Variants in ZNF469 observed in about 807,000 individuals in gnomAD.
ZNF469 encodes zinc finger protein 469.
Under a neutral mutation model 1.0 loss-of-function variants are expected in ZNF469, and 1 was observed. That is an observed-to-expected ratio of 1.00 (90% CI 0.35 to 4.73). The LOEUF is 4.73. Ranked by LOEUF, ZNF469 falls within the 30% of genes most tolerant of loss-of-function variation. The probability of loss-of-function intolerance (pLI) is 0.16; values close to 1 mark genes in which losing one functional copy is unlikely to be tolerated. For synonymous variants in ZNF469, 2,703 were observed against 2,363.4 expected, an observed-to-expected ratio of 1.14 and a Z score of -4.17; for missense variants, 6,100 against 5,356.3, an observed-to-expected ratio of 1.14 and a Z score of -4.33.
At chr16:88,252,642 A>G in the ZNF469 span, among the ~76,000 whole-genome samples, 1 of 152,354 alleles carries the variant, frequency 6.6e-6, no homozygotes, top group African/African-American at 2.4e-5. Context: ...ATACTTAAGT[A>G]TGTTGATATC....
At chr16:88,388,408 G>A (rs1022862617) in intron 1 of ZNF469, among the ~76,000 whole-genome samples, 1 of 152,252 alleles carries the variant, frequency 6.6e-6, no homozygotes, top group African/African-American at 2.4e-5. Context: ...CTACCGGCCG[G>A]GCACGGCAGC....
chr16:88,163,100 G>A, the ZNF469 span, among the ~76,000 whole-genome samples: 2 of 150,920 alleles, frequency 1.3e-5, no homozygotes, highest in South Asian at 4.2e-4. Context: ...TGACTGGGTG[G>A]GTGGGTGGAT....
At chr16:88,212,219 T>C in the ZNF469 span, among the ~76,000 whole-genome samples, 4 of 152,364 alleles carry the variant, frequency 2.6e-5, no homozygotes, top group Admixed American at 2.0e-4. Flanking sequence ...TGCCTCGGAA[T>C]CACTTGTTCC....
chr16:88,422,281 A>G (rs1187615231), intron 1 of ZNF469, among the ~76,000 whole-genome samples: 3 of 121,930 alleles, frequency 2.5e-5, no homozygotes, highest in Non-Finnish European at 3.3e-5. Context: ...ATAGGTGGGT[A>G]ATGGATGGAT....
At chr16:88,187,337 T>C in the ZNF469 span, among the ~76,000 whole-genome samples, 1 of 152,248 alleles carries the variant, frequency 6.6e-6, no homozygotes, top group Non-Finnish European at 1.5e-5. Context: ...TTCAGTTTCA[T>C]GGTCAGCATG....
chr16:88,438,109 C>T lies in ZNF469; in HGVS notation c.10639C>T (p.His3547Tyr). ...PIRGCELPSN[H>Y]QECPPPSLSP... ...CAGAGGTTGTGAGCTGCCATCCAAC[C>T]ACCAGGAGTGTCCCCCGCCGTCTCT... Residue 3547 changes from histidine to tyrosine, a missense_variant, in exon 3 of 3, where the codon CAC becomes TAC. Coordinates refer to ENST00000565624, the MANE Select transcript of ZNF469 (RefSeq NM_001367624.2). The T allele has an allele frequency of 1.3e-6, 2 of 1,550,446 alleles. No individual in the cohort carries two copies. Among genetic ancestry groups the T allele is most frequent in the Non-Finnish European group, 1.7e-6 (2 of 1,146,976 alleles).
the ZNF469 span, among the ~76,000 whole-genome samples, chr16:88,209,990 A>C: frequency 6.6e-6 from 1 of 152,206 alleles, no homozygotes; most frequent in Admixed American, 6.5e-5. Flanking sequence ...CGGTTTTACC[A>C]ATTTGTATTC....
chr16:88,103,781 C>T, the ZNF469 span, among the ~76,000 whole-genome samples: 1 of 148,822 alleles, frequency 6.7e-6, no homozygotes, highest in African/African-American at 2.5e-5. Flanking sequence ...AATAATCCTC[C>T]GTGGCATGGG....
the ZNF469 span, among the ~76,000 whole-genome samples, chr16:88,144,628 C>T: frequency 3.9e-5 from 6 of 152,162 alleles, no homozygotes; most frequent in African/African-American, 1.4e-4. Context: ...ATTCCAAAGC[C>T]TCTTTAAGAC....
the ZNF469 span, among the ~76,000 whole-genome samples, chr16:88,225,554 G>C: frequency 6.6e-6 from 1 of 152,064 alleles, no homozygotes; most frequent in Non-Finnish European, 1.5e-5. Context: ...GGGGGTGAAG[G>C]AGGAGCCGCC....
chr16:88,289,370 T>C, the ZNF469 span, among the ~76,000 whole-genome samples: 16 of 151,784 alleles, frequency 1.1e-4, no homozygotes, highest in East Asian at 5.8e-4. Flanking sequence ...GTGATGATGG[T>C]GATGATGGTG....
chr16:88,318,219 G>A, the ZNF469 span, among the ~76,000 whole-genome samples: 7,153 of 152,298 alleles, frequency 0.047, 279 homozygotes, highest in East Asian at 0.16. Flanking sequence ...TCTCCAGGGC[G>A]CGTTCCATGG....
At chr16:88,334,260 C>T in the ZNF469 span, among the ~76,000 whole-genome samples, 1 of 152,134 alleles carries the variant, frequency 6.6e-6, no homozygotes, top group Admixed American at 6.5e-5. Flanking sequence ...CTGGACTAAG[C>T]CTCCTGTGAA....
the ZNF469 span, among the ~76,000 whole-genome samples, chr16:88,304,362 C>T: frequency 6.6e-6 from 1 of 152,200 alleles, no homozygotes. Flanking sequence ...TCTGCACGGC[C>T]AGTACAACAG....
At chr16:88,198,960 C>T in the ZNF469 span, among the ~76,000 whole-genome samples, 1 of 152,226 alleles carries the variant, frequency 6.6e-6, no homozygotes, top group African/African-American at 2.4e-5. Flanking sequence ...CAAGACGCTG[C>T]TGCCGCCTCA....
chr16:88,201,070 G>A, the ZNF469 span, among the ~76,000 whole-genome samples: 3 of 152,316 alleles, frequency 2.0e-5, no homozygotes, highest in African/African-American at 7.2e-5. The surrounding 1 kb of genome is among the most constrained non-coding windows in gnomAD (Gnocchi z 5.0). Context: ...GTGCCCCGGG[G>A]ATCCTCACCC....
chr16:88,190,255 T>A, the ZNF469 span, among the ~76,000 whole-genome samples: 1 of 152,136 alleles, frequency 6.6e-6, no homozygotes, highest in African/African-American at 2.4e-5. Flanking sequence ...GGTAGACCAT[T>A]AAGGCTAATT....
the ZNF469 span, among the ~76,000 whole-genome samples, chr16:88,138,606 G>T: frequency 0.56 from 84,537 of 152,126 alleles, 28,037 homozygotes; most frequent in Non-Finnish European, 0.76. Context: ...AGTCATGAAA[G>T]GTTGGTTCTG....
chr16:88,397,655 G>GAGAT (rs143095907), intron 1 of ZNF469, among the ~76,000 whole-genome samples: 7,667 of 134,758 alleles, frequency 0.057, 229 homozygotes, highest in South Asian at 0.13. Flanking sequence ...ATATAAATAA[G>GAGAT]AGATAGATAG....
Sources: allele counts gnomAD v4.1 joint callset (sites outside exome capture counted in the v4.1 genomes callset), GRCh38; gene constraint gnomAD v4.1.1; non-coding constraint Gnocchi (gnomAD v3.1); transcripts MANE v1.5; gene names NCBI Gene and HGNC (gene_info 2026-07-23, HGNC 2026-07-21).